The following VPS37A variants were observed in gnomAD, a reference collection of about 807,000 sequenced individuals.
VPS37A encodes VPS37A subunit of ESCRT-I, also known as vacuolar protein sorting-associated protein 37A.
In VPS37A, 30 loss-of-function variants were observed where a neutral mutation model predicts 49.8. That is an observed-to-expected ratio of 0.60 (90% CI 0.45 to 0.82). The LOEUF (loss-of-function observed/expected upper bound fraction) is 0.82, where lower values mean the gene tolerates loss of function less well. VPS37A is among the 40% of genes least tolerant of loss of function. VPS37A has a pLI of 0.00. For synonymous variants in VPS37A, 195 were observed against 160.6 expected, an observed-to-expected ratio of 1.21 and a Z score of -1.62; for missense variants, 593 against 464.4, an observed-to-expected ratio of 1.28 and a Z score of -2.55.
At chr8:17,272,915 G>T (rs759117381) in intron 4 of VPS37A, among the ~76,000 whole-genome samples, 1 of 151,142 alleles carries the variant, frequency 6.6e-6, no homozygotes, top group Non-Finnish European at 1.5e-5. Flanking sequence ...TATTTGTTTG[G>T]GTTTGTGTAT....
the VPS37A span, among the ~76,000 whole-genome samples, chr8:17,315,596 G>A: frequency 1.3e-5 from 2 of 152,106 alleles, no homozygotes; most frequent in African/African-American, 2.4e-5. Flanking sequence ...CGTACCTTCT[G>A]CTCAATTTTG....
chr8:17,275,091 A>T, intron 5 of VPS37A, 133 bp downstream of exon 5: 1 of 826,180 alleles, frequency 1.2e-6, no homozygotes, highest in Non-Finnish European at 1.9e-6. Flanking sequence ...ACATTTTTCA[A>T]TTCAAGTAAC....
At chr8:17,270,413 C>A (rs1312804041) in intron 4 of VPS37A, among the ~76,000 whole-genome samples, 1 of 152,126 alleles carries the variant, frequency 6.6e-6, no homozygotes, top group African/African-American at 2.4e-5. Flanking sequence ...GGTTAGACTT[C>A]AGTGCTGATA....
At chr8:17,302,946 G>A (rs911782879), downstream of VPS37A, among the ~76,000 whole-genome samples, 1 of 151,854 alleles carries the variant, frequency 6.6e-6, no homozygotes, top group Non-Finnish European at 1.5e-5. Context: ...CCTGACCTCA[G>A]GTGATCCACC....
chr8:17,260,277 A>T (rs942822959), intron 1 of VPS37A, among the ~76,000 whole-genome samples: 5 of 152,158 alleles, frequency 3.3e-5, no homozygotes, highest in African/African-American at 1.2e-4. Context: ...TATATGTAAT[A>T]AGTTATTTCA....
At chr8:17,270,679 C>T (rs1437859667) in intron 4 of VPS37A, among the ~76,000 whole-genome samples, 2 of 152,112 alleles carry the variant, frequency 1.3e-5, no homozygotes, top group East Asian at 1.9e-4. Context: ...TCAAGAAGTT[C>T]ATATGGGACT....
chr8:17,310,877 C>T, the VPS37A span, among the ~76,000 whole-genome samples: 2 of 152,000 alleles, frequency 1.3e-5, no homozygotes, highest in Non-Finnish European at 2.9e-5. Context: ...GAACTTATAC[C>T]AGATTAGTGA....
chr8:17,257,508 G>A (rs564799341), intron 1 of VPS37A, among the ~76,000 whole-genome samples: 1 of 152,274 alleles, frequency 6.6e-6, no homozygotes, highest in African/African-American at 2.4e-5. Flanking sequence ...TTAGGGGAGG[G>A]ATAGCATTAG....
At position 17,285,420 on chromosome 8, in the gene VPS37A, CTGATA is replaced by C. The variant is rs1418546484; in HGVS notation, c.1113+806_1113+810del. ...ATTGAGAAACAGTTTCTGTTCTGTT[CTGATA>C]TTTCTGTTGTATTTAAAGAAAAATC... On this transcript the variant is annotated intron_variant, in intron 10 of 11. Coordinates refer to ENST00000324849, the MANE Select transcript of VPS37A (RefSeq NM_152415.3). Among the ~76,000 whole-genome samples the C allele has an allele frequency of 4.7e-4, 71 of 152,210 alleles. 1 individual carries two copies. Among genetic ancestry groups the C allele is most frequent in the African/African-American group, 1.6e-3 (67 of 41,530 alleles).
the VPS37A span, among the ~76,000 whole-genome samples, chr8:17,321,023 C>G: frequency 6.6e-6 from 1 of 151,940 alleles, no homozygotes; most frequent in African/African-American, 2.4e-5. Flanking sequence ...ACAGGCCAAA[C>G]TTTCCAGTTG....
chr8:17,307,580 T>C, the VPS37A span, among the ~76,000 whole-genome samples: 4 of 152,172 alleles, frequency 2.6e-5, no homozygotes, highest in Admixed American at 6.5e-5. Context: ...TAAAGACACA[T>C]GCACATGAAT....
intron 11 of VPS37A, among the ~76,000 whole-genome samples, chr8:17,290,992 G>T (rs144107509): frequency 1.3e-5 from 2 of 152,086 alleles, no homozygotes; most frequent in African/African-American, 4.8e-5. Flanking sequence ...TTGTATTTCT[G>T]TGGGATCGGT....
rs576022272 is a variant in VPS37A at position 17,264,885 on chromosome 8, TG to T, written c.126-1021del. Among the ~76,000 whole-genome samples, 8 of 152,320 alleles carry T rather than the reference TG, an allele frequency of 5.3e-5. No individual in the cohort carries two copies. In the South Asian group the frequency reaches 1.7e-3, roughly 32 times the overall value. ...GTGAGCCCCCAAAAGACTTGCTTAG[TG>T]TATTATAGTTGTAATAATATATGCC... On this transcript the variant is annotated intron_variant, in intron 1 of 11. Transcript: ENST00000324849.
At chr8:17,266,962 G>A (rs972160124) in intron 2 of VPS37A, among the ~76,000 whole-genome samples, 4 of 151,894 alleles carry the variant, frequency 2.6e-5, no homozygotes, top group Non-Finnish European at 5.9e-5. Context: ...CAGTAGAGAC[G>A]AGGTTTCACC....
chr8:17,290,012 G>C (rs1046982376), intron 11 of VPS37A, among the ~76,000 whole-genome samples: 1 of 152,158 alleles, frequency 6.6e-6, no homozygotes, highest in Non-Finnish European at 1.5e-5. Context: ...TCTATTATTG[G>C]TGTATAGGAA....
chr8:17,331,795 C>A, the VPS37A span, among the ~76,000 whole-genome samples: 1 of 152,160 alleles, frequency 6.6e-6, no homozygotes, highest in Admixed American at 6.5e-5. Flanking sequence ...CCCAGTTAAA[C>A]CTTGAGCAGG....
intron 9 of VPS37A, among the ~76,000 whole-genome samples, chr8:17,280,930 G>A (rs1814997837): frequency 6.6e-6 from 1 of 151,618 alleles, no homozygotes; most frequent in African/African-American, 2.4e-5. Context: ...GAAAAAAAAG[G>A]AATCTTTGAA....
chr8:17,309,235 C>T, the VPS37A span: 2 of 1,283,832 alleles, frequency 1.6e-6, no homozygotes, highest in African/African-American at 1.5e-5. Flanking sequence ...AGAAACAGTG[C>T]TTTTATTCTA....
chr8:17,306,896 A>C (rs1817490320), downstream of VPS37A, among the ~76,000 whole-genome samples: 1 of 148,770 alleles, frequency 6.7e-6, no homozygotes, highest in African/African-American at 2.5e-5. Flanking sequence ...TTCAAGATGG[A>C]TTAAAGACTT....
Sources: allele counts gnomAD v4.1 joint callset (sites outside exome capture counted in the v4.1 genomes callset), GRCh38; gene constraint gnomAD v4.1.1; transcripts MANE v1.5; gene names NCBI Gene and HGNC (gene_info 2026-07-23, HGNC 2026-07-21).